Variants in RYR2 observed in about 807,000 individuals in gnomAD.
RYR2 encodes the protein cardiac muscle ryanodine receptor-calcium release channel.
RYR2 carries 227 observed loss-of-function variants against 601.1 expected under a neutral mutation model. The observed-to-expected ratio is 0.38, with a 90% CI of 0.34 to 0.42. The LOEUF is 0.42. Ranked by LOEUF, RYR2 falls within the 10% of genes least tolerant of loss-of-function variation. RYR2 has a pLI of 1.00. For synonymous variants in RYR2, 2,223 were observed against 2,175.1 expected, an observed-to-expected ratio of 1.02 and a Z score of -0.61; for missense variants, 4,646 against 6,156.5, an observed-to-expected ratio of 0.75 and a Z score of 8.21.
intron 71 of RYR2, among the ~76,000 whole-genome samples, chr1:237,713,720 T>TATAG (rs895972770): frequency 3.3e-5 from 5 of 152,090 alleles, no homozygotes; most frequent in African/African-American, 1.2e-4. Context: ...AAAAAATATA[T>TATAG]ATAGATAGAT....
rs534358973 is a variant in RYR2, at chr1:237,527,669, TTTAA to T, written c.2823-2754_2823-2751del. 3.7e-4 allele frequency among the ~76,000 whole-genome samples: 57 copies of T among 152,326 alleles called. 2 individuals carry two copies. The South Asian group carries it at 0.012, about 31-fold the overall frequency. ...CCCACATGTCTTCATCTTTGAAATGTTTAATTATCCTTCTTGGAATATCTTAAAG... is the reference window on the plus strand; with the variant it reads ...CCCACATGTCTTCATCTTTGAAATGTTTATCCTTCTTGGAATATCTTAAAG... On this transcript the variant is annotated intron_variant, in intron 24 of 104. Coordinates refer to ENST00000366574, the MANE Select transcript of RYR2 (RefSeq NM_001035.3).
At chr1:237,294,307 A>C (rs914622170) in intron 2 of RYR2, among the ~76,000 whole-genome samples, 5 of 152,050 alleles carry the variant, frequency 3.3e-5, no homozygotes, top group African/African-American at 1.2e-4. Flanking sequence ...TTCCTTTTCT[A>C]ATTTTCCTAG....
chr1:237,304,159 C>A (rs571238611), intron 2 of RYR2, among the ~76,000 whole-genome samples: 1 of 152,136 alleles, frequency 6.6e-6, no homozygotes, highest in Admixed American at 6.6e-5. Context: ...ATGGATGAGT[C>A]AGACTTTAAA....
intron 15 of RYR2, among the ~76,000 whole-genome samples, chr1:237,455,214 C>G (rs1658663498): frequency 6.6e-6 from 1 of 152,036 alleles, no homozygotes; most frequent in Admixed American, 6.6e-5. Flanking sequence ...CTAATATAGT[C>G]AGGAGCTTCG....
intron 10 of RYR2, among the ~76,000 whole-genome samples, chr1:237,403,323 T>C (rs952816291): frequency 1.3e-5 from 2 of 152,184 alleles, no homozygotes; most frequent in Admixed American, 1.3e-4. Context: ...AGATTTGCAG[T>C]TGATTTCAAC....
intron 11 of RYR2, among the ~76,000 whole-genome samples, chr1:237,419,423 T>A (rs886490569): frequency 6.6e-6 from 1 of 152,194 alleles, no homozygotes; most frequent in Admixed American, 6.5e-5. Context: ...AATTAAGTAG[T>A]CTTGATCCTG....
chr1:237,679,519 G>C (rs1685673931), intron 61 of RYR2, among the ~76,000 whole-genome samples: 1 of 152,104 alleles, frequency 6.6e-6, no homozygotes, highest in African/African-American at 2.4e-5. Flanking sequence ...TCTTGCTATG[G>C]GCCCGTCACA....
In RYR2 at chr1:237,424,368, T is replaced by C. The variant is rs181013056; in HGVS notation, c.1005+1120T>C. 1.8e-3 allele frequency among the ~76,000 whole-genome samples: 270 copies of C among 152,314 alleles called. 1 individual carries two copies. The highest frequency in any genetic ancestry group is 6.3e-3 in the African/African-American group (262 of 41,580). ...TCTAGGTATAGGCATCTTCACAGTGTTATTCAGGGCTCATTGAAAAGAAAA... is the reference window on the plus strand; with the variant it reads ...TCTAGGTATAGGCATCTTCACAGTGCTATTCAGGGCTCATTGAAAAGAAAA... On this transcript the variant is annotated intron_variant, in intron 12 of 104. Coordinates refer to ENST00000366574, the MANE Select transcript of RYR2 (RefSeq NM_001035.3).
intron 41 of RYR2, among the ~76,000 whole-genome samples, chr1:237,628,764 A>C (rs1249129634): frequency 6.6e-6 from 1 of 152,154 alleles, no homozygotes; most frequent in Non-Finnish European, 1.5e-5. Context: ...ACATTGATCC[A>C]TAGGTCTGTG....
intron 98 of RYR2, among the ~76,000 whole-genome samples, chr1:237,805,070 A>T (rs942446649): frequency 4.6e-5 from 7 of 152,112 alleles, no homozygotes; most frequent in Admixed American, 3.3e-4. Context: ...ATAATAAAGG[A>T]TTATCTGAAC....
intron 3 of RYR2, among the ~76,000 whole-genome samples, chr1:237,342,065 A>C (rs1386096318): frequency 6.6e-5 from 10 of 152,318 alleles, no homozygotes; most frequent in African/African-American, 1.9e-4. Context: ...AAGGCAATAC[A>C]AATAATATGC....
intron 8 of RYR2, among the ~76,000 whole-genome samples, chr1:237,386,288 A>G (rs553038864): frequency 6.6e-6 from 1 of 152,348 alleles, no homozygotes; most frequent in African/African-American, 2.4e-5. Flanking sequence ...CCTCTTCTTG[A>G]TGGTGACTTG....
intron 1 of RYR2, among the ~76,000 whole-genome samples, chr1:237,088,928 C>T (rs976950045): frequency 2.0e-5 from 3 of 152,138 alleles, no homozygotes; most frequent in African/African-American, 7.2e-5. Context: ...CCAAAATAAC[C>T]CTTTCTTGCC....
intron 10 of RYR2, among the ~76,000 whole-genome samples, chr1:237,402,682 C>A (rs1395081505): frequency 6.6e-6 from 1 of 152,138 alleles, no homozygotes; most frequent in South Asian, 2.1e-4. Context: ...CATCCCAGCA[C>A]TTTGGGAGGA....
rs1400077755 is a variant in RYR2, at chr1:237,395,564, T to TTTTTTTTTG, written c.773+7381_773+7382insTTTTTTTTG. ...TTTTTTTTTTTTTTTTTTTTTTTTT[T>TTTTTTTTTG]GAGACAGAGTCTCGCTTTGTTCCCC... On this transcript the variant is annotated intron_variant, in intron 10 of 104. Transcript: ENST00000366574. 1.6e-3 allele frequency among the ~76,000 whole-genome samples: 122 copies of TTTTTTTTTG among 77,616 alleles called. 1 individual carries two copies. Among genetic ancestry groups the TTTTTTTTTG allele is most frequent in the African/African-American group, 6.2e-3 (106 of 17,044 alleles). 50.9% of individuals were successfully genotyped at this position (77,616 alleles called of 152,430 possible).
intron 1 of RYR2, among the ~76,000 whole-genome samples, chr1:237,117,732 CTTCTCTTCTCTTCTCTTCTCTTCT>C (rs1670284907): frequency 2.1e-5 from 3 of 143,480 alleles, no homozygotes; most frequent in African/African-American, 7.9e-5. Flanking sequence ...CTTCTCTTCT[CTTCTCTTCTCTTCTCTTCTCTTCT>C]CTGTTCTGAG....
At chr1:237,502,857 G>A (rs1664813201) in intron 21 of RYR2, among the ~76,000 whole-genome samples, 1 of 151,580 alleles carries the variant, frequency 6.6e-6, no homozygotes, top group Non-Finnish European at 1.5e-5. Context: ...GAAAAGAAAA[G>A]TGACTGGTTT....
At chr1:237,717,081 A>T (rs932648315) in intron 71 of RYR2, 117 bp from the exon 72 acceptor site, 2 of 886,040 alleles carry the variant, frequency 2.3e-6, no homozygotes, top group Non-Finnish European at 3.4e-6. Context: ...GAGGATTTTC[A>T]AAACTAGGGA....
intron 7 of RYR2, among the ~76,000 whole-genome samples, chr1:237,375,787 T>G (rs1700984442): frequency 6.6e-6 from 1 of 152,198 alleles, no homozygotes; most frequent in South Asian, 2.1e-4. Context: ...AGTTAATGTA[T>G]TTCAGCACAC....
Sources: gnomAD v4.1 joint callset for allele counts (sites outside exome capture counted in the v4.1 genomes callset) on GRCh38, gnomAD v4.1.1 for gene constraint, MANE v1.5 for transcripts, NCBI Gene and HGNC (gene_info 2026-07-23, HGNC 2026-07-21) for gene names.